The following CCDC83 variants were observed in gnomAD, a reference collection of about 807,000 sequenced individuals.
CCDC83 encodes coiled-coil domain containing 83, also known as coiled-coil domain-containing protein 83.
Under a neutral mutation model 50.1 loss-of-function variants are expected in CCDC83, and 54 were observed. The ratio of observed to expected loss-of-function variants is 1.08; its 90% CI spans 0.87 to 1.35. CCDC83 has a LOEUF of 1.35. CCDC83 is among the 40% of genes most tolerant of loss of function. The pLI, the probability that CCDC83 is intolerant of heterozygous loss-of-function variation, is 0.00. For synonymous variants in CCDC83, 161 were observed against 153.3 expected (o/e 1.05, Z -0.37); for missense variants, 518 against 473.9 (o/e 1.09, Z -0.86).
At chr11:85,890,859 G>A (rs1238121129) in intron 5 of CCDC83, among the ~76,000 whole-genome samples, 1 of 152,166 alleles carries the variant, frequency 6.6e-6, no homozygotes, top group Non-Finnish European at 1.5e-5. Context: ...AGGACCTTTT[G>A]TTACCACAAA....
chr11:85,909,590 C>T (rs990783392), intron 7 of CCDC83, among the ~76,000 whole-genome samples: 1 of 124,506 alleles, frequency 8.0e-6, no homozygotes, highest in Non-Finnish European at 1.6e-5. Context: ...CCTCTTTGGA[C>T]AAAAGTCATC....
chr11:85,903,338 A>T (rs956714953), intron 7 of CCDC83, among the ~76,000 whole-genome samples: 1 of 152,112 alleles, frequency 6.6e-6, no homozygotes, highest in Non-Finnish European at 1.5e-5. Context: ...TCTGTCACCC[A>T]GGCTGGAATG....
At chr11:85,916,005 T>G in intron 9 of CCDC83, 23 bp from the exon 10 acceptor site, 1 of 1,479,830 alleles carries the variant, frequency 6.8e-7, no homozygotes, top group Non-Finnish European at 9.4e-7. Flanking sequence ...TATACATAAT[T>G]AATTCCTTTG....
At chr11:85,877,400 G>A (rs940743716) in intron 3 of CCDC83, among the ~76,000 whole-genome samples, 3 of 152,192 alleles carry the variant, frequency 2.0e-5, no homozygotes, top group Non-Finnish European at 4.4e-5. Context: ...GAGCCCAGGA[G>A]TTTGAGGTTA....
At chr11:85,865,319 C>A in intron 2 of CCDC83, 101 bp downstream of exon 2, 1 of 751,278 alleles carries the variant, frequency 1.3e-6, no homozygotes, top group Non-Finnish European at 2.3e-6. Context: ...CAGCAGCTGC[C>A]AAAAGAATAG....
At chr11:85,882,697 C>T (rs780486757) in intron 4 of CCDC83, 22 bp downstream of exon 4, 3 of 1,607,206 alleles carry the variant, frequency 1.9e-6, no homozygotes, top group African/African-American at 1.3e-5. Flanking sequence ...ACATAGAAAA[C>T]TATCATAGAG....
chr11:85,865,083 C>T lies in CCDC83; in HGVS notation c.-28-13C>T. 1 of 1,341,966 alleles carries T rather than the reference C, an allele frequency of 7.5e-7. No homozygotes were observed. Among genetic ancestry groups the T allele is most frequent in the Non-Finnish European group, 1.1e-6 (1 of 941,404 alleles). The allele number at this position is 1,341,966 out of a possible 1,614,324, so 83.1% of individuals were successfully genotyped here. A position where few individuals can be genotyped will look rare whatever the true frequency, so the allele number is the denominator to read the frequency against. On this transcript the variant is annotated splice_polypyrimidine_tract_variant and intron_variant, in intron 1 of 10. Coordinates refer to ENST00000342404, the MANE Select transcript of CCDC83 (RefSeq NM_001286159.2). ...TGGAATTTTTCACTTTCGTATGTCTCCTTTCTAAACAGGTATATTTCTTCA... is the reference window on the plus strand; with the variant it reads ...TGGAATTTTTCACTTTCGTATGTCTTCTTTCTAAACAGGTATATTTCTTCA...
chr11:85,863,437 C>G (rs1390542078), intron 1 of CCDC83, among the ~76,000 whole-genome samples: 2 of 152,178 alleles, frequency 1.3e-5, no homozygotes, highest in Non-Finnish European at 2.9e-5. Context: ...GAAGACACTA[C>G]TTAATGTACT....
intron 2 of CCDC83, among the ~76,000 whole-genome samples, chr11:85,869,362 C>T (rs2093224636): frequency 1.3e-5 from 2 of 152,138 alleles, no homozygotes; most frequent in Non-Finnish European, 2.9e-5. Flanking sequence ...TTTTTATTTT[C>T]TCCTTTATAC....
chr11:85,914,982 A>C (rs1423030955), intron 8 of CCDC83, among the ~76,000 whole-genome samples: 3 of 152,150 alleles, frequency 2.0e-5, no homozygotes, highest in Non-Finnish European at 4.4e-5. Context: ...GAACTCACTA[A>C]CACGAGAACA....
At chr11:85,895,507 A>T (rs1259618889) in intron 6 of CCDC83, 123 bp downstream of exon 6, 3 of 599,574 alleles carry the variant, frequency 5.0e-6, no homozygotes. Context: ...TCAACCTGTA[A>T]TAATGGCTGT....
At chr11:85,888,733 G>A (rs1174764438) in intron 5 of CCDC83, among the ~76,000 whole-genome samples, 3 of 152,090 alleles carry the variant, frequency 2.0e-5, no homozygotes, top group African/African-American at 7.2e-5. Flanking sequence ...GTTTTTGTGT[G>A]AGAGAGTGAT....
intron 4 of CCDC83, among the ~76,000 whole-genome samples, chr11:85,885,358 T>A (rs12363602): frequency 0.21 from 31,837 of 152,020 alleles, 3,701 homozygotes; most frequent in Middle Eastern, 0.22. Flanking sequence ...GCCAACTAAT[T>A]GCCAGGCTCT....
At position 85,915,650 on chromosome 11, in the gene CCDC83, G is replaced by A. The variant is rs2093474255; in HGVS notation, c.874+152G>A. ...GCTTCTCTAAATTTCTCCTCTTGCAGTGCTTGTCCTAATCTATCTCCTGTC... is the reference window on the plus strand; with the variant it reads ...GCTTCTCTAAATTTCTCCTCTTGCAATGCTTGTCCTAATCTATCTCCTGTC... On this transcript the variant is annotated intron_variant, in intron 9 of 10. Transcript: ENST00000342404. The A allele has an allele frequency of 6.6e-6, 4 of 607,092 alleles. No homozygotes were observed. The East Asian group carries it at 1.1e-4, about 17-fold the overall frequency. The allele number at this position is 607,092 out of a possible 1,614,324, so 37.6% of individuals were successfully genotyped here.
intron 2 of CCDC83, among the ~76,000 whole-genome samples, chr11:85,870,133 A>C (rs2093228810): frequency 6.6e-6 from 1 of 152,258 alleles, no homozygotes; most frequent in Admixed American, 6.5e-5. Flanking sequence ...ATAGAAATAA[A>C]CGATGCCCAA....
chr11:85,904,149 G>C (rs2093414799), intron 7 of CCDC83, among the ~76,000 whole-genome samples: 1 of 152,092 alleles, frequency 6.6e-6, no homozygotes, highest in African/African-American at 2.4e-5. Flanking sequence ...TTTTGTTCTT[G>C]ACTGCTTTTT....
upstream of CCDC83, chr11:85,855,281 T>G (rs1365926287): frequency 1.3e-5 from 2 of 152,906 alleles, no homozygotes; most frequent in East Asian, 3.8e-4. Flanking sequence ...CACTGAAGAC[T>G]TTATAAGCTT....
intron 10 of CCDC83, 32 bp from the exon 11 acceptor site, chr11:85,919,317 C>A (rs759210264): frequency 3.2e-6 from 5 of 1,563,000 alleles, no homozygotes; most frequent in Admixed American, 4.3e-5. Flanking sequence ...TGAATCACCT[C>A]TCCTATTCTT....
chr11:85,860,433 C>A (rs766213304), intron 1 of CCDC83, among the ~76,000 whole-genome samples: 1 of 151,460 alleles, frequency 6.6e-6, no homozygotes, highest in Non-Finnish European at 1.5e-5. Flanking sequence ...CAGATCAAAA[C>A]CATGATAAGA....
Sources: gnomAD v4.1 joint callset for allele counts (sites outside exome capture counted in the v4.1 genomes callset) on GRCh38, gnomAD v4.1.1 for gene constraint, MANE v1.5 for transcripts, NCBI Gene and HGNC (gene_info 2026-07-23, HGNC 2026-07-21) for gene names.